AQR: variants seen among roughly 807,000 people sequenced by gnomAD.
The protein encoded by AQR is aquarius intron-binding spliceosomal factor.
Under a neutral mutation model 180.5 loss-of-function variants are expected in AQR, and 61 were observed. That is an observed-to-expected ratio of 0.34 (90% CI 0.28 to 0.42). The LOEUF (loss-of-function observed/expected upper bound fraction) is 0.42, where lower values mean the gene tolerates loss of function less well. Among genes scored for constraint, AQR ranks in the 10% least tolerant of loss-of-function variants. The pLI, the probability that AQR is intolerant of heterozygous loss-of-function variation, is 1.00. For missense variants in AQR, 1,281 were observed against 1,798.3 expected (o/e 0.71, Z 5.20); for synonymous variants, 551 against 588.8 (o/e 0.94, Z 0.93).
At chr15:34,933,562 A>C (rs377717673) in intron 10 of AQR, among the ~76,000 whole-genome samples, 1 of 152,328 alleles carries the variant, frequency 6.6e-6, no homozygotes, top group African/African-American at 2.4e-5. Context: ...TTATTTAAAG[A>C]GACAATTATA....
intron 19 of AQR, among the ~76,000 whole-genome samples, chr15:34,903,012 TGATGAGAAGGGAAGATGCTACTTTA>T (rs1893355602): frequency 6.6e-6 from 1 of 151,822 alleles, no homozygotes; most frequent in South Asian, 2.1e-4. Context: ...GGGTAGAAAA[TGATGAGAAGGGAAGATGCTACTTTA>T]GGTAAGGTTG....
intron 27 of AQR, among the ~76,000 whole-genome samples, chr15:34,879,420 A>G (rs575587066): frequency 4.6e-5 from 7 of 152,204 alleles, no homozygotes; most frequent in Non-Finnish European, 1.0e-4. Flanking sequence ...ATGCCATCCA[A>G]GAGGTAGCAT....
intron 31 of AQR, 128 bp downstream of exon 31, chr15:34,870,624 T>C: frequency 1.4e-6 from 1 of 733,862 alleles, no homozygotes; most frequent in East Asian, 2.8e-5. Context: ...GAGTTATTTA[T>C]AGTTCCCATT....
At chr15:34,900,543 C>G in intron 20 of AQR, 79 bp downstream of exon 20, 1 of 1,520,570 alleles carries the variant, frequency 6.6e-7, no homozygotes, top group Non-Finnish European at 8.8e-7. Context: ...TCAAAACTCA[C>G]TTTAGCTAAC....
intron 27 of AQR, among the ~76,000 whole-genome samples, chr15:34,877,390 G>A (rs950936383): frequency 6.6e-6 from 1 of 152,122 alleles, no homozygotes; most frequent in Admixed American, 6.6e-5. Flanking sequence ...TATTTACTCT[G>A]AATGTTTGAT....
At chr15:34,902,556 T>C (rs1893347514) in intron 19 of AQR, among the ~76,000 whole-genome samples, 1 of 152,128 alleles carries the variant, frequency 6.6e-6, no homozygotes, top group Non-Finnish European at 1.5e-5. Context: ...TAACTGTTCA[T>C]GGTAGGCATC....
rs1248015668 is a variant in AQR at position 34,915,106 on chromosome 15, G to A, written c.1416C>T (p.Leu472=). 1 of 1,613,558 alleles carries A rather than the reference G, an allele frequency of 6.2e-7. No homozygotes were observed. Among genetic ancestry groups the A allele is most frequent in the Admixed American group, 1.7e-5 (1 of 59,950 alleles). ...LHDYLLRNFN[L]FRLESTYEIR... ...TTTCATAAGTTGATTCTAAGCGGAA[G>A]AGGTTAAAGTTCCTTAGCAGGTAGT... is the stretch of plus-strand genomic sequence containing the variant. The change falls in exon 16 of 35, where the codon CTC becomes CTT. Residue 472 remains leucine, a synonymous_variant. Coordinates refer to ENST00000156471, the MANE Select transcript of AQR (RefSeq NM_014691.3).
intron 22 of AQR, among the ~76,000 whole-genome samples, chr15:34,896,151 C>G (rs1017352644): frequency 1.3e-5 from 2 of 152,204 alleles, no homozygotes; most frequent in Non-Finnish European, 2.9e-5. Context: ...AGAGAGGAAG[C>G]ATTTTCGGCT....
intron 9 of AQR, among the ~76,000 whole-genome samples, chr15:34,937,434 A>T (rs1893960649): frequency 6.6e-6 from 1 of 152,212 alleles, no homozygotes; most frequent in Non-Finnish European, 1.5e-5. Flanking sequence ...TAAGATTTTC[A>T]ATTGTAAAAT....
intron 13 of AQR, among the ~76,000 whole-genome samples, chr15:34,922,021 A>G (rs902595919): frequency 1.3e-5 from 2 of 152,216 alleles, no homozygotes; most frequent in Non-Finnish European, 2.9e-5. Context: ...CATGTTGCCC[A>G]GGCTGGTCTC....
chr15:34,895,358 C>T (rs529555336), intron 22 of AQR, among the ~76,000 whole-genome samples: 2 of 150,522 alleles, frequency 1.3e-5, no homozygotes, highest in South Asian at 4.3e-4. Context: ...CAAATGTGTC[C>T]TTTAATTTGC....
chr15:34,907,537 C>T (rs1595793414), intron 17 of AQR, among the ~76,000 whole-genome samples: 1 of 152,110 alleles, frequency 6.6e-6, no homozygotes, highest in Non-Finnish European at 1.5e-5. Flanking sequence ...ACAACAAACA[C>T]AATGAAATCA....
chr15:34,915,950 TAA>T (rs879420485), intron 15 of AQR, among the ~76,000 whole-genome samples: 11 of 125,414 alleles, frequency 8.8e-5, no homozygotes, highest in Non-Finnish European at 8.8e-5. Context: ...CCGTCTCAAA[TAA>T]AAAAAAAAAA....
intron 1 of AQR, among the ~76,000 whole-genome samples, chr15:34,968,021 C>A (rs1275475221): frequency 6.6e-6 from 1 of 152,086 alleles, no homozygotes. Flanking sequence ...CCATGTTGGT[C>A]AGGCTGGTCT....
chr15:34,950,284 T>G (rs2140502762), intron 4 of AQR, among the ~76,000 whole-genome samples: 1 of 152,068 alleles, frequency 6.6e-6, no homozygotes, highest in African/African-American at 2.4e-5. Context: ...GAGACAGGGT[T>G]TCACCATGTT....
chr15:34,912,871 C>T (rs1455170287), intron 16 of AQR, among the ~76,000 whole-genome samples: 1 of 152,042 alleles, frequency 6.6e-6, no homozygotes, highest in South Asian at 2.1e-4. Context: ...TATGTCACAA[C>T]AAAAAATTGT....
Position 34,952,977 on chromosome 15 carries a change from T to C in AQR, c.174-57A>G, listed in dbSNP as rs73375055. On this transcript the variant is annotated intron_variant, in intron 3 of 34. Coordinates refer to ENST00000156471, the MANE Select transcript of AQR (RefSeq NM_014691.3). ...AATAGAGAATACAAACGTTTCAGAG[T>C]TATTAACACAAATGCATTTAGGGAT... 50,362 of 1,033,782 alleles carry C rather than the reference T, an allele frequency of 0.049. 1,548 individuals are homozygous for C. Among genetic ancestry groups the C allele is most frequent in the Middle Eastern group, 0.053 (248 of 4,660 alleles). The allele number at this position is 1,033,782 out of a possible 1,614,324, so 64.0% of individuals were successfully genotyped here. A position where few individuals can be genotyped will look rare whatever the true frequency, so the allele number is the denominator to read the frequency against.
chr15:34,906,000 C>T (rs554655982), intron 18 of AQR, among the ~76,000 whole-genome samples: 1 of 152,120 alleles, frequency 6.6e-6, no homozygotes, highest in Non-Finnish European at 1.5e-5. Flanking sequence ...CGCCACTGCA[C>T]TCCAGCCTGG....
chr15:34,867,875 C>A (rs1892759148), intron 31 of AQR: 2 of 299,668 alleles, frequency 6.7e-6, no homozygotes, highest in Non-Finnish European at 6.1e-6. Context: ...TTGGAATTAA[C>A]AGTCTTCCCC....
Sources: gnomAD v4.1 joint callset for allele counts (sites outside exome capture counted in the v4.1 genomes callset) on GRCh38, gnomAD v4.1.1 for gene constraint, MANE v1.5 for transcripts, NCBI Gene and HGNC (gene_info 2026-07-23, HGNC 2026-07-21) for gene names.